Variants in CLECL1 observed in about 807,000 individuals in gnomAD.
CLECL1 encodes the protein C-type lectin-like domain family 1.
chr12:9,719,101 G>GT (rs1487529533), downstream of CLECL1, among the ~76,000 whole-genome samples: 5 of 152,190 alleles, frequency 3.3e-5, no homozygotes, highest in Non-Finnish European at 5.9e-5. Flanking sequence ...GTGCACACAG[G>GT]TCCTTCTCCT....
downstream of CLECL1, chr12:9,722,477 A>AC: frequency 7.5e-7 from 1 of 1,333,496 alleles, no homozygotes; most frequent in Admixed American, 3.5e-5. Context: ...GAAAAAAAAA[A>AC]AACCTCAAAG....
chr12:9,707,859 T>TAAC, the CLECL1 span, among the ~76,000 whole-genome samples: 1 of 152,162 alleles, frequency 6.6e-6, no homozygotes, highest in East Asian at 1.9e-4. Flanking sequence ...GTGTTAAGAG[T>TAAC]TTTGTTACAG....
upstream of CLECL1, chr12:9,733,126 T>A: frequency 1.2e-6 from 2 of 1,614,174 alleles, no homozygotes; most frequent in Non-Finnish European, 1.7e-6. Context: ...TAAATTGAGA[T>A]GGCAAATTTC....
At chr12:9,730,260 C>T (rs1866431040) in intron 1 of CLECL1, among the ~76,000 whole-genome samples, 2 of 152,176 alleles carry the variant, frequency 1.3e-5, no homozygotes, top group African/African-American at 4.8e-5. Flanking sequence ...CCACACTTCT[C>T]ATTGCATTTG....
At chr12:9,713,822 T>C (rs1353421159), downstream of CLECL1, among the ~76,000 whole-genome samples, 1 of 152,214 alleles carries the variant, frequency 6.6e-6, no homozygotes, top group Non-Finnish European at 1.5e-5. Context: ...ATTACTCTTA[T>C]TGGAAGAGTT....
At chr12:9,725,657 C>T (rs187896085) in intron 3 of CLECL1, among the ~76,000 whole-genome samples, 214 of 152,120 alleles carry the variant, frequency 1.4e-3, no homozygotes, top group Admixed American at 3.7e-3. Flanking sequence ...ATGCATAAAA[C>T]GTGTCAGGGC....
chr12:9,728,103 T>C (rs943366456), intron 2 of CLECL1, among the ~76,000 whole-genome samples: 7 of 151,836 alleles, frequency 4.6e-5, no homozygotes, highest in African/African-American at 1.7e-4. Flanking sequence ...ATTCTGCATA[T>C]AAATGCTGCA....
chr12:9,724,671 TTCAGA>T (rs1866357426), intron 3 of CLECL1, among the ~76,000 whole-genome samples: 1 of 152,154 alleles, frequency 6.6e-6, no homozygotes, highest in African/African-American at 2.4e-5. Flanking sequence ...TTGGATAATT[TTCAGA>T]TCCTCAAGGA....
At chr12:9,711,512 TAAAA>T (rs141838777), downstream of CLECL1, among the ~76,000 whole-genome samples, 43 of 150,684 alleles carry the variant, frequency 2.9e-4, no homozygotes, top group East Asian at 5.8e-4. Context: ...GTAAGTTATT[TAAAA>T]AAAAAAAAAA....
At chr12:9,712,958 C>T (rs1231614767), downstream of CLECL1, among the ~76,000 whole-genome samples, 1 of 152,166 alleles carries the variant, frequency 6.6e-6, no homozygotes, top group Non-Finnish European at 1.5e-5. Context: ...CAGACAAAAC[C>T]TCTCAGACAC....
downstream of CLECL1, among the ~76,000 whole-genome samples, chr12:9,711,693 C>T (rs975684512): frequency 2.6e-5 from 4 of 151,690 alleles, no homozygotes; most frequent in East Asian, 1.9e-4. Context: ...GGTTCCTTTT[C>T]CTTTTTCCAC....
the CLECL1 span, among the ~76,000 whole-genome samples, chr12:9,703,359 AAAT>A: frequency 6.7e-6 from 1 of 149,820 alleles, no homozygotes; most frequent in Non-Finnish European, 1.5e-5. Flanking sequence ...CACACTCTTA[AAAT>A]AATTTGTGCT....
chr12:9,714,123 A>G (rs766699643), downstream of CLECL1, among the ~76,000 whole-genome samples: 2 of 152,208 alleles, frequency 1.3e-5, no homozygotes, highest in Admixed American at 6.5e-5. Context: ...TTTTATTAGT[A>G]ATAATTTCTA....
the CLECL1 span, chr12:9,708,987 C>T: frequency 7.2e-5 from 15 of 207,294 alleles, no homozygotes; most frequent in African/African-American, 1.9e-4. Flanking sequence ...CATAGCCCTA[C>T]GCACAAAGGG....
exon 3 of CLECL1, chr12:9,716,677 G>C (rs1184248096): frequency 4.2e-6 from 3 of 712,678 alleles, no homozygotes; most frequent in African/African-American, 3.9e-5. Flanking sequence ...CTCTTCCTAA[G>C]AAGACCCCAG....
chr12:9,729,273 G>A (rs1591719912), intron 2 of CLECL1, among the ~76,000 whole-genome samples: 1 of 152,046 alleles, frequency 6.6e-6, no homozygotes, highest in African/African-American at 2.4e-5. Context: ...GCTTCCTTCT[G>A]AACATGGTTT....
upstream of CLECL1, among the ~76,000 whole-genome samples, chr12:9,734,312 C>T (rs1866490594): frequency 6.6e-6 from 1 of 152,192 alleles, no homozygotes. Flanking sequence ...TGAGCACCGA[C>T]CTCTGTCTCT....
At chr12:9,732,601 A>G (rs775191132) in intron 1 of CLECL1, among the ~76,000 whole-genome samples, 6 of 152,240 alleles carry the variant, frequency 3.9e-5, no homozygotes, top group Middle Eastern at 3.2e-3. Context: ...TTATCACATT[A>G]TGTTAAAAGG....
upstream of CLECL1, among the ~76,000 whole-genome samples, chr12:9,733,697 T>A (rs1345573459): frequency 6.6e-6 from 1 of 152,124 alleles, no homozygotes; most frequent in Non-Finnish European, 1.5e-5. Flanking sequence ...TTAAAATAAT[T>A]CAAGGTAATG....
Sources: allele counts gnomAD v4.1 joint callset (sites outside exome capture counted in the v4.1 genomes callset), GRCh38; gene constraint gnomAD v4.1.1; transcripts MANE v1.5; gene names NCBI Gene and HGNC (gene_info 2026-07-23, HGNC 2026-07-21).